GLMN: variants seen among roughly 807,000 people sequenced by gnomAD.
The protein encoded by GLMN is glomulin.
GLMN carries 75 observed loss-of-function variants against 87.8 expected under a neutral mutation model. That is an observed-to-expected ratio of 0.85 (90% confidence interval 0.71 to 1.04). The LOEUF (loss-of-function observed/expected upper bound fraction) is 1.04, where lower values mean the gene tolerates loss of function less well. GLMN is among the 50% of genes least tolerant of loss of function. GLMN has a pLI of 0.00. For missense variants in GLMN, 588 were observed against 658.8 expected, an observed-to-expected ratio of 0.89 and a Z score of 1.18; for synonymous variants, 206 against 221.6, an observed-to-expected ratio of 0.93 and a Z score of 0.63.
intron 5 of GLMN, 34 bp downstream of exon 5, chr1:92,290,164 A>G: frequency 8.5e-7 from 1 of 1,177,980 alleles, no homozygotes; most frequent in South Asian, 1.2e-5. Context: ...TAGAGATACA[A>G]CAAGAAGTAC....
chr1:92,306,427 C>T, the GLMN span, among the ~76,000 whole-genome samples: 2 of 152,194 alleles, frequency 1.3e-5, no homozygotes, highest in African/African-American at 4.8e-5. Flanking sequence ...TTTATAGTAA[C>T]ATTGTAGTGA....
the GLMN span, chr1:92,307,134 T>G: frequency 8.8e-4 from 1,037 of 1,179,204 alleles, 3 homozygotes; most frequent in Non-Finnish European, 1.2e-3. Flanking sequence ...CTCAACTGTA[T>G]GTAGGTAATG....
intron 15 of GLMN, 29 bp from the exon 16 acceptor site, chr1:92,262,955 A>C: frequency 2.3e-6 from 2 of 887,988 alleles, no homozygotes; most frequent in Non-Finnish European, 3.8e-6. Context: ...TGTTACTTAC[A>C]GTATGGTTTT....
upstream of GLMN, among the ~76,000 whole-genome samples, chr1:92,299,415 G>C (rs58820626): frequency 0.053 from 8,139 of 152,198 alleles, 582 homozygotes; most frequent in African/African-American, 0.17. Flanking sequence ...GAGGCCCCGG[G>C]AACCCAGGCC....
Position 92,262,871 on chromosome 1 carries a change from C to A in GLMN, c.1465G>T (p.Asp489Tyr). 2 of 1,139,776 alleles carry A rather than the reference C, an allele frequency of 1.8e-6. No individual in the cohort carries two copies. The highest frequency in any genetic ancestry group is 1.2e-5 in the South Asian group (1 of 81,526). 70.6% of individuals were successfully genotyped at this position (1,139,776 alleles called of 1,614,324 possible). A position where few individuals can be genotyped will look rare whatever the true frequency, so the allele number is the denominator to read the frequency against. ...TCAAATACTTCACTTACTTGATTGT[C>A]ATTTTCATTATCTTTGATAACCAAA... ...RYLVIKDNENDNQTGLWTELG... is the reference protein window; with the variant it reads ...RYLVIKDNENYNQTGLWTELG... Residue 489 changes from aspartate (D) to tyrosine (Y), a missense_variant, in exon 16 of 19, where the codon GAC (aspartate) becomes TAC (tyrosine). Physicochemically the swap from Asp to Tyr is radical, Grantham distance 160 (BLOSUM62 -3). Coordinates refer to ENST00000370360, the MANE Select transcript of GLMN (RefSeq NM_053274.3).
At chr1:92,305,453 A>G in the GLMN span, among the ~76,000 whole-genome samples, 1 of 144,010 alleles carries the variant, frequency 6.9e-6, no homozygotes, top group African/African-American at 2.5e-5. Context: ...AAAAAAAAAG[A>G]CAATATGGGA....
the GLMN span, among the ~76,000 whole-genome samples, chr1:92,325,681 G>A: frequency 6.6e-6 from 1 of 151,958 alleles, no homozygotes; most frequent in Non-Finnish European, 1.5e-5. Context: ...CACTACCCAA[G>A]CCAAGAAATA....
the GLMN span, among the ~76,000 whole-genome samples, chr1:92,313,416 A>AAT: frequency 6.6e-6 from 1 of 150,386 alleles, no homozygotes; most frequent in Non-Finnish European, 1.5e-5. Flanking sequence ...GTACATTGTT[A>AAT]ATAATCAGTA....
intron 8 of GLMN, 107 bp downstream of exon 8, chr1:92,271,358 T>C: frequency 1.2e-6 from 1 of 834,930 alleles, no homozygotes; most frequent in Non-Finnish European, 2.0e-6. Flanking sequence ...TTACTATTTA[T>C]TTAAAATGTA....
At chr1:92,277,560 C>G (rs1428191999) in intron 7 of GLMN, among the ~76,000 whole-genome samples, 1 of 152,178 alleles carries the variant, frequency 6.6e-6, no homozygotes, top group African/African-American at 2.4e-5. Context: ...GCCCTACCCC[C>G]ATCCCACCCC....
the GLMN span, chr1:92,345,883 T>G: frequency 6.2e-7 from 1 of 1,606,282 alleles, no homozygotes; most frequent in Non-Finnish European, 8.5e-7. Context: ...ACCTGCGGAA[T>G]GGACTTTAAT....
intron 7 of GLMN, among the ~76,000 whole-genome samples, chr1:92,273,338 C>CA (rs762370832): frequency 1.3e-5 from 2 of 151,886 alleles, no homozygotes; most frequent in Non-Finnish European, 2.9e-5. Context: ...AGCTACAAGA[C>CA]AAAAAGTTTA....
chr1:92,334,440 C>A, the GLMN span, among the ~76,000 whole-genome samples: 1 of 152,010 alleles, frequency 6.6e-6, no homozygotes, highest in South Asian at 2.1e-4. Context: ...TGGTTATGAT[C>A]ATTTTATTGT....
chr1:92,249,031 T>C (rs1319861515), intron 16 of GLMN, among the ~76,000 whole-genome samples: 3 of 151,948 alleles, frequency 2.0e-5, no homozygotes, highest in African/African-American at 7.2e-5. Flanking sequence ...TTAAAATAAC[T>C]CAACAGGAGA....
In GLMN at chr1:92,290,444, T is replaced by C. The variant is rs1047098560; in HGVS notation, c.286-138A>G. ...CTTAACATTAAAATTATTTATACAA[T>C]TGTTGAAAAAATATGCATGAGCAAA... On this transcript the variant is annotated intron_variant, in intron 4 of 18. Coordinates refer to ENST00000370360, the MANE Select transcript of GLMN (RefSeq NM_053274.3). 4 of 650,032 alleles carry C rather than the reference T, an allele frequency of 6.2e-6. No homozygotes were observed. In the African/African-American group the frequency reaches 7.3e-5, roughly 12 times the overall value. 40.3% of individuals were successfully genotyped at this position (650,032 alleles called of 1,614,324 possible). A position where few individuals can be genotyped will look rare whatever the true frequency, so the allele number is the denominator to read the frequency against.
At chr1:92,266,617 A>G (rs752600545) in intron 12 of GLMN, 83 bp downstream of exon 12, 1 of 1,219,720 alleles carries the variant, frequency 8.2e-7, no homozygotes, top group Non-Finnish European at 1.2e-6. Flanking sequence ...TCACAAATTA[A>G]AATTTTTAAA....
At chr1:92,272,386 C>A (rs1249982068) in intron 7 of GLMN, among the ~76,000 whole-genome samples, 2 of 152,060 alleles carry the variant, frequency 1.3e-5, no homozygotes, top group Non-Finnish European at 2.9e-5. Context: ...AATACAGAAG[C>A]CAACAGCAAA....
the GLMN span, among the ~76,000 whole-genome samples, chr1:92,341,771 A>G: frequency 1.2e-4 from 19 of 152,242 alleles, no homozygotes; most frequent in East Asian, 1.7e-3. Flanking sequence ...CAGGCTCCCA[A>G]GTAGCTGGGA....
the GLMN span, among the ~76,000 whole-genome samples, chr1:92,332,189 TG>T: frequency 1.3e-5 from 2 of 152,064 alleles, no homozygotes; most frequent in Non-Finnish European, 2.9e-5. Flanking sequence ...GTGGTGACTG[TG>T]CTTCATTCTG....
Sources: allele counts gnomAD v4.1 joint callset (sites outside exome capture counted in the v4.1 genomes callset), GRCh38; gene constraint gnomAD v4.1.1; transcripts MANE v1.5; gene names NCBI Gene and HGNC (gene_info 2026-07-23, HGNC 2026-07-21).